The following TTC31 variants were observed in gnomAD, a reference collection of about 807,000 sequenced individuals.
TTC31 encodes the protein tetratricopeptide repeat protein 31.
TTC31 carries 59 observed loss-of-function variants against 60.4 expected under a neutral mutation model. The observed-to-expected ratio is 0.98, with a 90% CI of 0.79 to 1.21. The LOEUF is 1.21. Ranked by LOEUF, TTC31 falls within the 50% of genes most tolerant of loss-of-function variation. The pLI, the probability that TTC31 is intolerant of heterozygous loss-of-function variation, is 0.00. For synonymous variants in TTC31, 225 were observed against 249.6 expected, an observed-to-expected ratio of 0.90 and a Z score of 0.93; for missense variants, 672 against 646.9, an observed-to-expected ratio of 1.04 and a Z score of -0.42.
intron 2 of TTC31, among the ~76,000 whole-genome samples, chr2:74,484,845 G>GTTAATTTAATTAACTTTTGTTAAA (rs1405579838): frequency 2.0e-5 from 3 of 152,016 alleles, no homozygotes; most frequent in East Asian, 1.9e-4. Context: ...AAACCCAAAA[G>GTTAATTTAATTAACTTTTGTTAAA]TTAATTTAAT....
Position 74,490,696 on chromosome 2 carries a change from A to T in TTC31, c.503A>T (p.Glu168Val). ...GCTGAGGAGCTGGTGGCTGAGGAGG[A>T]GCGCATGAAACAGAAAGCAGAGAAA... is the stretch of plus-strand genomic sequence containing the variant. ...RLAEELVAEEERMKQKAEKKR... is the reference protein window; with the variant it reads ...RLAEELVAEEVRMKQKAEKKR... Residue 168 changes from glutamate (E) to valine (V), a missense_variant, in exon 5 of 13, where the codon GAG (glutamate) becomes GTG (valine). Glu to Val is a moderately radical substitution (Grantham distance 121, BLOSUM62 -2). Transcript: ENST00000233623. The T allele has an allele frequency of 1.2e-6, 2 of 1,613,068 alleles. No individual in the cohort carries two copies. The highest frequency in any genetic ancestry group is 3.3e-5 in the Admixed American group (2 of 59,934).
rs1193916285 is a variant in TTC31 at position 74,483,122 on chromosome 2, G to C, written c.27G>C (p.Gly9=). The change falls in exon 1 of 13, where the codon GGG becomes GGC. Residue 9 remains glycine (G), a synonymous_variant. Transcript: ENST00000233623. ...TGGCGCCGATTCCAAAGACTGTGGGGCGGATCAAGCTAGGTGAGCGGTATG... is the reference window on the plus strand; with the variant it reads ...TGGCGCCGATTCCAAAGACTGTGGGCCGGATCAAGCTAGGTGAGCGGTATG... The part of the protein sequence containing the change: MAPIPKTV[G]RIKLDCSLRP... 1 of 1,614,236 alleles carries C rather than the reference G, an allele frequency of 6.2e-7. No homozygotes were observed. Among genetic ancestry groups the C allele is most frequent in the Non-Finnish European group, 8.5e-7 (1 of 1,180,046 alleles).
At chr2:74,488,457 G>C (rs746111867) in intron 2 of TTC31, among the ~76,000 whole-genome samples, 2 of 152,150 alleles carry the variant, frequency 1.3e-5, no homozygotes, top group Non-Finnish European at 2.9e-5. Flanking sequence ...TAGGCAAATA[G>C]GAATGTGATC....
Position 74,492,679 on chromosome 2 carries a change from ACT to A in TTC31, c.1198_1199del (p.Leu400GlufsTer7). 2 of 1,613,926 alleles carry A rather than the reference ACT, an allele frequency of 1.2e-6. No homozygotes were observed. Among genetic ancestry groups the A allele is most frequent in the South Asian group, 1.1e-5 (1 of 91,078 alleles). The part of the protein sequence containing the change: ...FREAAAVFQE[T>X]LRGGSQPDAA... ...AGAGGCAGCTGCTGTGTTTCAGGAA[ACT>A]CTGAGAGGTGGGTCCCAGCCTGACG... On this transcript the variant is annotated frameshift_variant, in exon 12 of 13. Coordinates refer to ENST00000233623, the MANE Select transcript of TTC31 (RefSeq NM_022492.6). LOFTEE classifies it high-confidence loss of function.
chr2:74,491,736 AG>A (rs1673916027), intron 8 of TTC31, 64 bp downstream of exon 8: 1 of 1,567,696 alleles, frequency 6.4e-7, no homozygotes, highest in Non-Finnish European at 8.7e-7. Context: ...GCTGCTGGGG[AG>A]GCACAGGGTC....
In TTC31 at chr2:74,493,724, A is replaced by G. The variant is rs146447624; in HGVS notation, c.*506A>G. 6.4e-6 allele frequency: 1 copy of G among 157,002 alleles called. No homozygotes were observed. Among genetic ancestry groups the G allele is most frequent in the Non-Finnish European group, 1.4e-5 (1 of 71,124 alleles). The allele number at this position is 157,002 out of a possible 1,614,324, so 9.7% of individuals were successfully genotyped here. On this transcript the variant is annotated 3_prime_UTR_variant, in exon 13 of 13. Transcript: ENST00000233623. ...CAGATTACTCACAGCTCCTCATGCCATTTCCTGTCCAGATTGCTATGTATG... is the reference window on the plus strand; with the variant it reads ...CAGATTACTCACAGCTCCTCATGCCGTTTCCTGTCCAGATTGCTATGTATG...
chr2:74,491,248 G>A (rs372416954), intron 6 of TTC31, 47 bp from the exon 7 acceptor site: 257 of 1,613,972 alleles, frequency 1.6e-4, no homozygotes, highest in Non-Finnish European at 2.0e-4. Context: ...AAGAAAGCAG[G>A]CAGCTCAAGG....
intron 2 of TTC31, among the ~76,000 whole-genome samples, chr2:74,485,083 G>C (rs1372633742): frequency 1.4e-5 from 2 of 143,662 alleles, no homozygotes; most frequent in Non-Finnish European, 3.0e-5. Flanking sequence ...CTGGAGTGCA[G>C]TGGCGCCATC....
At chr2:74,483,577 A>G in intron 2 of TTC31, 167 bp downstream of exon 2, 1 of 1,489,430 alleles carries the variant, frequency 6.7e-7, no homozygotes, top group Non-Finnish European at 8.9e-7. Context: ...AGTGAGGGGC[A>G]GGGGATCAGG....
At position 74,492,655 on chromosome 2, in the gene TTC31, G is replaced by A; in HGVS notation, c.1171G>A (p.Glu391Lys). ...CCCTCTGGGACCAAAGCGCTTCAGA[G>A]AGGCAGCTGCTGTGTTTCAGGAAAC... is the stretch of plus-strand genomic sequence containing the variant. The part of the protein sequence containing the change: ...KALMGLQRFR[E>K]AAAVFQETLR... The change falls in exon 12 of 13, where the codon GAG (glutamate) becomes AAG (lysine). Residue 391 changes from glutamate to lysine, a missense_variant. By Grantham distance (56) the Glu-to-Lys change is moderately conservative. Transcript: ENST00000233623. The A allele has an allele frequency of 6.2e-7, 1 of 1,614,170 alleles. No homozygotes were observed. Among genetic ancestry groups the A allele is most frequent in the East Asian group, 2.2e-5 (1 of 44,868 alleles).
intron 2 of TTC31, among the ~76,000 whole-genome samples, chr2:74,485,203 T>C (rs575279564): frequency 6.6e-6 from 1 of 151,988 alleles, no homozygotes; most frequent in East Asian, 1.9e-4. Context: ...ATTTTTGTAT[T>C]TTTAGTAGAG....
chr2:74,492,601 A>C, intron 11 of TTC31, 45 bp from the exon 12 acceptor site: 1 of 1,607,008 alleles, frequency 6.2e-7, no homozygotes, highest in Non-Finnish European at 8.5e-7. Flanking sequence ...ACTTTTAAGC[A>C]CCTTGACACC....
chr2:74,483,656 G>A, intron 2 of TTC31: 2 of 1,337,012 alleles, frequency 1.5e-6, no homozygotes, highest in South Asian at 1.5e-5. Context: ...CTGAGTTGAG[G>A]ATTAGGGAGT....
Position 74,492,483 on chromosome 2 carries a change from T to C in TTC31, c.1161+38T>C. 2.0e-6 allele frequency: 3 copies of C among 1,522,884 alleles called. No homozygotes were observed. The African/African-American group carries it at 4.2e-5, about 21-fold the overall frequency. The allele number at this position is 1,522,884 out of a possible 1,614,324, so 94.3% of individuals were successfully genotyped here. On this transcript the variant is annotated intron_variant, in intron 11 of 12. Coordinates refer to ENST00000233623, the MANE Select transcript of TTC31 (RefSeq NM_022492.6). Reference sequence around the variant, plus strand: ...GGGCTGGAAACAGGAGAGATTTGAGTGGGATGGAGTGGGGAGAGGGTCTAT... The same window carrying C: ...GGGCTGGAAACAGGAGAGATTTGAGCGGGATGGAGTGGGGAGAGGGTCTAT...
chr2:74,483,290 C>A, intron 1 of TTC31, 32 bp from the exon 2 acceptor site: 1 of 1,613,542 alleles, frequency 6.2e-7, no homozygotes, highest in Non-Finnish European at 8.5e-7. Flanking sequence ...GTCCCGAGCC[C>A]GCTGACGAGG....
intron 2 of TTC31, among the ~76,000 whole-genome samples, chr2:74,483,928 T>G (rs1672759593): frequency 8.0e-6 from 1 of 125,120 alleles, no homozygotes; most frequent in African/African-American, 3.1e-5. Flanking sequence ...TGGGGAACGG[T>G]GAGACTCTGT....
In TTC31 at chr2:74,492,075, C is replaced by T. The variant is rs372827702; in HGVS notation, c.928+20C>T. 48 of 1,614,136 alleles carry T rather than the reference C, an allele frequency of 3.0e-5. 2 individuals are homozygous for T. The highest frequency in any genetic ancestry group is 8.8e-5 in the South Asian group (8 of 91,082). On this transcript the variant is annotated intron_variant, in intron 9 of 12. Coordinates refer to ENST00000233623, the MANE Select transcript of TTC31 (RefSeq NM_022492.6). ...TGGCAAGTGAGATCCTTTCTCTCTC[C>T]GTCCTCACCCCACCCTCCCTGGGGT...
chr2:74,484,445 C>T (rs1053093541), intron 2 of TTC31, among the ~76,000 whole-genome samples: 5 of 151,650 alleles, frequency 3.3e-5, no homozygotes, highest in Admixed American at 1.3e-4. Flanking sequence ...CTCAAGTAGG[C>T]AACAGAGTTT....
intron 2 of TTC31, among the ~76,000 whole-genome samples, chr2:74,485,119 C>T (rs1269130031): frequency 1.3e-5 from 2 of 151,276 alleles, no homozygotes; most frequent in Non-Finnish European, 2.9e-5. Context: ...CTCCTCCTCC[C>T]GGATTCAGGC....
Sources: allele counts gnomAD v4.1 joint callset (sites outside exome capture counted in the v4.1 genomes callset), GRCh38; gene constraint gnomAD v4.1.1; transcripts MANE v1.5; gene names NCBI Gene and HGNC (gene_info 2026-07-23, HGNC 2026-07-21).